The following HS2ST1 variants were observed in gnomAD, a reference collection of about 807,000 sequenced individuals.
HS2ST1 encodes the protein heparan sulfate 2-O-sulfotransferase 1.
A neutral mutation model predicts 42.9 loss-of-function variants in HS2ST1; 18 were observed. That is an observed-to-expected ratio of 0.42 (90% confidence interval 0.29 to 0.62). HS2ST1 has a LOEUF of 0.62. Among genes scored for constraint, HS2ST1 ranks in the 20% least tolerant of loss-of-function variants. HS2ST1 has a pLI of 0.21. For synonymous variants in HS2ST1, 146 were observed against 152.9 expected, an observed-to-expected ratio of 0.95 and a Z score of 0.33; for missense variants, 334 against 433.8, an observed-to-expected ratio of 0.77 and a Z score of 2.04.
intron 1 of HS2ST1, among the ~76,000 whole-genome samples, chr1:86,942,584 T>C (rs781580013): frequency 6.6e-6 from 1 of 152,216 alleles, no homozygotes; most frequent in Non-Finnish European, 1.5e-5. Context: ...TTTTGTATTA[T>C]TTCTGAGGAA....
intron 1 of HS2ST1, among the ~76,000 whole-genome samples, chr1:87,050,959 A>G (rs1650815831): frequency 6.6e-6 from 1 of 152,190 alleles, no homozygotes; most frequent in Admixed American, 6.5e-5. Flanking sequence ...ATGTAACATT[A>G]GGTTAGTAGA....
chr1:87,052,230 G>C (rs1026463746), intron 1 of HS2ST1, among the ~76,000 whole-genome samples: 3 of 152,100 alleles, frequency 2.0e-5, no homozygotes, highest in African/African-American at 7.2e-5. Context: ...TGCAGGCTAG[G>C]TGACAGAGCG....
chr1:87,103,042 G>A (rs994758076), intron 5 of HS2ST1, among the ~76,000 whole-genome samples: 13 of 152,124 alleles, frequency 8.5e-5, no homozygotes, highest in African/African-American at 2.9e-4. Flanking sequence ...CACACAATAA[G>A]CAGTAAACAC....
chr1:86,985,666 A>G (rs1648764002), intron 1 of HS2ST1, among the ~76,000 whole-genome samples: 1 of 151,742 alleles, frequency 6.6e-6, no homozygotes, highest in Admixed American at 6.6e-5. Context: ...ACAACAACCT[A>G]TGTTGTTTGC....
chr1:86,923,639 A>G (rs1243759457), intron 1 of HS2ST1, among the ~76,000 whole-genome samples: 1 of 152,012 alleles, frequency 6.6e-6, no homozygotes, highest in Non-Finnish European at 1.5e-5. Flanking sequence ...CTCATGATCC[A>G]CCCACCTTGG....
At chr1:87,040,484 A>T (rs186929296) in intron 1 of HS2ST1, among the ~76,000 whole-genome samples, 25 of 152,096 alleles carry the variant, frequency 1.6e-4, no homozygotes, top group Admixed American at 3.3e-4. Flanking sequence ...GACTCTTCTG[A>T]CTGGGTTTTG....
intron 1 of HS2ST1, among the ~76,000 whole-genome samples, chr1:87,028,072 T>A (rs1354390334): frequency 6.6e-6 from 1 of 152,244 alleles, no homozygotes; most frequent in East Asian, 1.9e-4. Flanking sequence ...TGCCTCCCTT[T>A]CCTGTCTCAC....
At chr1:86,923,554 G>A (rs537982316) in intron 1 of HS2ST1, among the ~76,000 whole-genome samples, 7 of 152,058 alleles carry the variant, frequency 4.6e-5, no homozygotes, top group South Asian at 4.2e-4. Context: ...CTGCCACCAC[G>A]CCTGGCCAAT....
chr1:87,055,464 T>A (rs1217919773), intron 1 of HS2ST1, among the ~76,000 whole-genome samples: 1 of 152,210 alleles, frequency 6.6e-6, no homozygotes, highest in Non-Finnish European at 1.5e-5. Context: ...CTGCAGTTGC[T>A]TTCCTTCAAG....
At chr1:87,015,560 C>T (rs551777792) in intron 1 of HS2ST1, among the ~76,000 whole-genome samples, 1 of 147,758 alleles carries the variant, frequency 6.8e-6, no homozygotes, top group Non-Finnish European at 1.5e-5. Flanking sequence ...TAGCCAAGAT[C>T]GTCTTGATTT....
Position 86,914,733 on chromosome 1 carries a change from G to C in HS2ST1, c.-304G>C. Reference sequence around the variant, plus strand: ...GGGCAAGCAGGCGGGCGCGGGGGTCGGGGACTGAGGCAGTAGAGGGAGGCG... The same window carrying C: ...GGGCAAGCAGGCGGGCGCGGGGGTCCGGGACTGAGGCAGTAGAGGGAGGCG... On this transcript the variant is annotated 5_prime_UTR_variant, in exon 1 of 7. Transcript: ENST00000370550. The C allele has an allele frequency of 7.9e-6, 3 of 377,628 alleles. No homozygotes were observed. Among genetic ancestry groups the C allele is most frequent in the Non-Finnish European group, 1.4e-5 (3 of 207,014 alleles). 23.4% of individuals were successfully genotyped at this position (377,628 alleles called of 1,614,324 possible). A position where few individuals can be genotyped will look rare whatever the true frequency, so the allele number is the denominator to read the frequency against.
Position 87,105,748 on chromosome 1 carries a change from G to T in HS2ST1, c.*1052G>T, listed in dbSNP as rs1159622539. 6.6e-6 allele frequency: 1 copy of T among 152,500 alleles called. No individual in the cohort carries two copies. Among genetic ancestry groups the T allele is most frequent in the East Asian group, 1.9e-4 (1 of 5,200 alleles). 9.4% of individuals were successfully genotyped at this position (152,500 alleles called of 1,614,324 possible). On this transcript the variant is annotated 3_prime_UTR_variant, in exon 7 of 7. Transcript: ENST00000370550. Reference sequence around the variant, plus strand: ...AATTTTATGTCAAGTAAAACCATCAGACCTACTGTTCTTGTATTTCTCATT... The same window carrying T: ...AATTTTATGTCAAGTAAAACCATCATACCTACTGTTCTTGTATTTCTCATT...
intron 1 of HS2ST1, chr1:87,045,129 T>A (rs550633686): frequency 4.6e-6 from 4 of 867,446 alleles, no homozygotes; most frequent in Non-Finnish European, 7.9e-6. Flanking sequence ...GGTGGAAGGC[T>A]GACCTCCATC....
intron 1 of HS2ST1, among the ~76,000 whole-genome samples, chr1:87,010,597 A>G (rs966175768): frequency 6.6e-6 from 1 of 152,078 alleles, no homozygotes; most frequent in African/African-American, 2.4e-5. Context: ...TTTATTTTTC[A>G]TGTTAGATAT....
intron 3 of HS2ST1, among the ~76,000 whole-genome samples, chr1:87,088,806 T>C (rs1298789360): frequency 6.6e-6 from 1 of 151,952 alleles, no homozygotes; most frequent in Non-Finnish European, 1.5e-5. Flanking sequence ...TAAATTACTT[T>C]AAAAATATTT....
chr1:87,024,450 G>A (rs932326165), intron 1 of HS2ST1, among the ~76,000 whole-genome samples: 2 of 150,838 alleles, frequency 1.3e-5, no homozygotes, highest in South Asian at 2.1e-4. Flanking sequence ...TCCGTGAGCC[G>A]AGATTGTGCC....
At chr1:87,083,385 G>C (rs138222903) in intron 2 of HS2ST1, among the ~76,000 whole-genome samples, 121 of 152,234 alleles carry the variant, frequency 7.9e-4, no homozygotes, top group Middle Eastern at 3.4e-3. Context: ...ACTCTATCTA[G>C]GTTCTAAAAG....
intron 1 of HS2ST1, among the ~76,000 whole-genome samples, chr1:86,970,377 T>G (rs1433126260): frequency 6.6e-6 from 1 of 152,124 alleles, no homozygotes; most frequent in Non-Finnish European, 1.5e-5. Context: ...AAATATAAAT[T>G]AAAAGATTTT....
chr1:87,022,102 G>C lies in HS2ST1; in HGVS notation c.125-50832G>C, dbSNP rs544524362. Among the ~76,000 whole-genome samples, 182 of 152,232 alleles carry C rather than the reference G, an allele frequency of 1.2e-3. 1 individual carries two copies. Among genetic ancestry groups the C allele is most frequent in the African/African-American group, 4.1e-3 (171 of 41,552 alleles). The stretch of plus-strand genomic sequence containing the variant: ...TTAGTAGAATGGGTGAAGTCAGCAG[G>C]TCTGTGTTGACAGAGATTATTTTAA... On this transcript the variant is annotated intron_variant, in intron 1 of 6. Transcript: ENST00000370550.
Sources: allele counts gnomAD v4.1 joint callset (sites outside exome capture counted in the v4.1 genomes callset), GRCh38; gene constraint gnomAD v4.1.1; transcripts MANE v1.5; gene names NCBI Gene and HGNC (gene_info 2026-07-23, HGNC 2026-07-21).